The following CALN1 variants were observed in gnomAD, a reference collection of about 807,000 sequenced individuals.
CALN1 encodes calneuron 1.
In CALN1, 17 loss-of-function variants were observed where a neutral mutation model predicts 30.6. The ratio of observed to expected loss-of-function variants is 0.56; its 90% CI spans 0.38 to 0.83. The LOEUF (loss-of-function observed/expected upper bound fraction) is 0.83. CALN1 is among the 40% of genes least tolerant of loss of function. The probability of loss-of-function intolerance (pLI) is 0.00; values close to 1 mark genes in which losing one functional copy is unlikely to be tolerated. For missense variants in CALN1, 291 were observed against 354.9 expected (o/e 0.82, Z 1.45); for synonymous variants, 156 against 131.4 (o/e 1.19, Z -1.28).
intron 5 of CALN1, among the ~76,000 whole-genome samples, chr7:71,993,659 G>C (rs1258740273): frequency 6.6e-6 from 1 of 152,068 alleles, no homozygotes; most frequent in African/African-American, 2.4e-5. Flanking sequence ...GTTTCACCAT[G>C]TTGGGCAGGC....
intron 2 of CALN1, among the ~76,000 whole-genome samples, chr7:72,353,397 TAA>T (rs1272341654): frequency 6.6e-6 from 1 of 152,178 alleles, no homozygotes; most frequent in African/African-American, 2.4e-5. Flanking sequence ...GGAGTTTTTT[TAA>T]GTCATACAAA....
chr7:72,487,753 GGAAGGAAGGGT>G, the CALN1 span, among the ~76,000 whole-genome samples: 12 of 110,686 alleles, frequency 1.1e-4, no homozygotes, highest in East Asian at 2.8e-4. Flanking sequence ...AAGGAAGGAA[GGAAGGAAGGGT>G]AAAGAAAGAA....
chr7:72,328,257 C>A (rs1234338991), intron 2 of CALN1, among the ~76,000 whole-genome samples: 1 of 152,134 alleles, frequency 6.6e-6, no homozygotes, highest in African/African-American at 2.4e-5. Context: ...ATAATACTCA[C>A]GTATCAAGGG....
chr7:71,916,759 T>C (rs567565542), intron 5 of CALN1, among the ~76,000 whole-genome samples: 1 of 152,176 alleles, frequency 6.6e-6, no homozygotes, highest in Non-Finnish European at 1.5e-5. Flanking sequence ...TTTACCTGTG[T>C]AACAAACTGC....
chr7:72,468,623 C>A, the CALN1 span, among the ~76,000 whole-genome samples: 78 of 152,304 alleles, frequency 5.1e-4, no homozygotes, highest in African/African-American at 1.9e-3. Flanking sequence ...CTGTGTTCAA[C>A]TTCGTGAGGC....
At chr7:72,181,948 A>G (rs1485592776) in intron 3 of CALN1, among the ~76,000 whole-genome samples, 1 of 152,232 alleles carries the variant, frequency 6.6e-6, no homozygotes, top group African/African-American at 2.4e-5. Context: ...AGACAGGTAT[A>G]GCATGTTCAG....
At chr7:72,109,408 G>C (rs1584959800) in intron 3 of CALN1, among the ~76,000 whole-genome samples, 2 of 152,036 alleles carry the variant, frequency 1.3e-5, no homozygotes, top group African/African-American at 4.8e-5. Flanking sequence ...GGACATCGTT[G>C]AAGTGTTTAA....
intron 5 of CALN1, among the ~76,000 whole-genome samples, chr7:71,953,840 C>T (rs1177199714): frequency 6.6e-6 from 1 of 151,884 alleles, no homozygotes; most frequent in Non-Finnish European, 1.5e-5. Context: ...ACATAGGAGG[C>T]ACCTGTCTCC....
At chr7:72,280,034 G>A (rs998892064) in intron 2 of CALN1, among the ~76,000 whole-genome samples, 1 of 152,214 alleles carries the variant, frequency 6.6e-6, no homozygotes, top group Non-Finnish European at 1.5e-5. Flanking sequence ...AGTGACAGAA[G>A]TTGTTCTAGA....
At chr7:71,967,900 T>C (rs987293126) in intron 5 of CALN1, among the ~76,000 whole-genome samples, 2 of 152,200 alleles carry the variant, frequency 1.3e-5, no homozygotes, top group Non-Finnish European at 2.9e-5. Flanking sequence ...CTAGCAAAGA[T>C]GTAAAGCAAC....
At chr7:72,425,260 C>A (rs545867493) in intron 1 of CALN1, among the ~76,000 whole-genome samples, 1 of 152,266 alleles carries the variant, frequency 6.6e-6, no homozygotes, top group East Asian at 1.9e-4. Flanking sequence ...ATTACAGGCA[C>A]GTGCCACCAC....
intron 3 of CALN1, among the ~76,000 whole-genome samples, chr7:72,150,487 G>A (rs1326567442): frequency 6.6e-6 from 1 of 152,184 alleles, no homozygotes; most frequent in Non-Finnish European, 1.5e-5. Context: ...GTGCTGAGAT[G>A]ACCGGGAGGG....
At position 71,909,991 on chromosome 7, in the gene CALN1, C is replaced by T. The variant is rs561286922; in HGVS notation, c.502-99499G>A. On this transcript the variant is annotated intron_variant, in intron 5 of 6. Transcript: ENST00000395275. ...GTGTAAGGTAAAGGAGAAGCAAAGG[C>T]ACATCTTACAAGGCAGCAGGCAAGA... Among the ~76,000 whole-genome samples, 6 of 152,274 alleles carry T rather than the reference C, an allele frequency of 3.9e-5. No individual in the cohort carries two copies. In the South Asian group the frequency reaches 8.3e-4, roughly 21 times the overall value.
chr7:72,281,231 G>A (rs1289840892), intron 2 of CALN1, among the ~76,000 whole-genome samples: 1 of 151,860 alleles, frequency 6.6e-6, no homozygotes, highest in African/African-American at 2.4e-5. Context: ...GCTACAGGAC[G>A]ACACAGCAAG....
chr7:71,808,843 C>A (rs1787771148), intron 6 of CALN1, among the ~76,000 whole-genome samples: 2 of 152,132 alleles, frequency 1.3e-5, no homozygotes, highest in Admixed American at 6.6e-5. Context: ...CAGCCCCGAG[C>A]GAGATGGATT....
At chr7:72,384,855 A>G (rs965757554) in intron 2 of CALN1, among the ~76,000 whole-genome samples, 2 of 152,216 alleles carry the variant, frequency 1.3e-5, no homozygotes, top group Non-Finnish European at 2.9e-5. Flanking sequence ...TTTTAAGAGA[A>G]TGAAAAGATG....
At chr7:72,193,544 G>A (rs188000251) in intron 3 of CALN1, among the ~76,000 whole-genome samples, 1 of 152,242 alleles carries the variant, frequency 6.6e-6, no homozygotes, top group African/African-American at 2.4e-5. Flanking sequence ...AAATATCATA[G>A]TCTACTTACA....
intron 3 of CALN1, among the ~76,000 whole-genome samples, chr7:72,172,469 C>T (rs1463302454): frequency 6.6e-6 from 1 of 152,144 alleles, no homozygotes; most frequent in Non-Finnish European, 1.5e-5. Flanking sequence ...GCAGACAAAA[C>T]AATGATAAGA....
At chr7:72,456,018 C>G in the CALN1 span, among the ~76,000 whole-genome samples, 1 of 152,030 alleles carries the variant, frequency 6.6e-6, no homozygotes, top group Admixed American at 6.6e-5. Context: ...AACCCCATCT[C>G]TACTAAAAAT....
Sources: gnomAD v4.1 joint callset for allele counts (sites outside exome capture counted in the v4.1 genomes callset) on GRCh38, gnomAD v4.1.1 for gene constraint, MANE v1.5 for transcripts, NCBI Gene and HGNC (gene_info 2026-07-23, HGNC 2026-07-21) for gene names.